Variants in STK38L observed in about 807,000 individuals in gnomAD.
STK38L encodes serine/threonine kinase 38 like, also known as serine/threonine-protein kinase 38-like.
STK38L carries 28 observed loss-of-function variants against 59.7 expected under a neutral mutation model. That is an observed-to-expected ratio of 0.47 (90% CI 0.35 to 0.64). The LOEUF (loss-of-function observed/expected upper bound fraction) is 0.64. STK38L is among the 30% of genes least tolerant of loss of function. The probability of loss-of-function intolerance (pLI) is 0.01; values close to 1 mark genes in which losing one functional copy is unlikely to be tolerated. For synonymous variants in STK38L, 162 were observed against 176.8 expected (o/e 0.92, Z 0.66); for missense variants, 314 against 555.8 (o/e 0.56, Z 4.37).
In STK38L at chr12:27,314,557, C is replaced by G; in HGVS notation, c.571C>G (p.Gln191Glu). The G allele has an allele frequency of 2.5e-6, 4 of 1,604,540 alleles. No homozygotes were observed. Among genetic ancestry groups the G allele is most frequent in the South Asian group, 1.1e-5 (1 of 89,738 alleles). ...KKDTLTEEETQFYISETVLAI... is the reference protein window; with the variant it reads ...KKDTLTEEETEFYISETVLAI... ...AGACACCTTGACAGAAGAGGAAACA[C>G]AGTTCTACATTTCAGAGACTGTTCT... Residue 191 changes from glutamine to glutamate, a missense_variant, in exon 7 of 14, where the codon CAG becomes GAG. Physicochemically the swap from Gln to Glu is conservative, Grantham distance 29 (BLOSUM62 2). Around this residue, in one of 3 missense-constraint regions of STK38L, gnomAD observed 192 missense variants for 316.9 expected, o/e 0.61. Coordinates refer to ENST00000389032, the MANE Select transcript of STK38L (RefSeq NM_015000.4).
intron 1 of STK38L, 28 bp downstream of exon 1, chr12:27,244,360 G>C (rs1202083587): frequency 1.3e-5 from 2 of 152,394 alleles, no homozygotes; most frequent in Non-Finnish European, 1.5e-5. Context: ...GCGCTCGGCT[G>C]AGGGCCCGAG....
intron 1 of STK38L, among the ~76,000 whole-genome samples, chr12:27,281,111 A>C (rs1204237836): frequency 1.3e-3 from 2 of 1,514 alleles, no homozygotes; most frequent in East Asian, 0.01. Context: ...TTTGAGACGG[A>C]GTCTCGCTCT....
At chr12:27,287,158 G>C (rs373702293) in intron 1 of STK38L, among the ~76,000 whole-genome samples, 1 of 148,208 alleles carries the variant, frequency 6.7e-6, no homozygotes, top group Non-Finnish European at 1.5e-5. Context: ...GGAGTGCAAT[G>C]GTGCGTGTGA....
At chr12:27,273,625 T>G (rs906314634) in intron 1 of STK38L, among the ~76,000 whole-genome samples, 2 of 152,214 alleles carry the variant, frequency 1.3e-5, no homozygotes, top group African/African-American at 4.8e-5. Context: ...AGTGTTAGCA[T>G]TTAATAAAGT....
At chr12:27,250,819 C>T (rs1266031347) in intron 1 of STK38L, among the ~76,000 whole-genome samples, 1 of 151,676 alleles carries the variant, frequency 6.6e-6, no homozygotes, top group Non-Finnish European at 1.5e-5. Context: ...GCTAACATGG[C>T]CAAACCTCGT....
chr12:27,318,892 G>T (rs1458604664), intron 11 of STK38L, among the ~76,000 whole-genome samples: 2 of 152,214 alleles, frequency 1.3e-5, no homozygotes, highest in Non-Finnish European at 2.9e-5. Flanking sequence ...TTGGGAGGCT[G>T]AGGCAGGAGA....
intron 3 of STK38L, among the ~76,000 whole-genome samples, chr12:27,307,710 T>G (rs1944351197): frequency 6.6e-6 from 1 of 152,240 alleles, no homozygotes; most frequent in Non-Finnish European, 1.5e-5. Flanking sequence ...ACAGTATTGC[T>G]TATTAATGGA....
chr12:27,264,586 G>GA (rs1468709180), intron 1 of STK38L, among the ~76,000 whole-genome samples: 11 of 151,934 alleles, frequency 7.2e-5, no homozygotes, highest in African/African-American at 2.7e-4. Context: ...AAAATTGTCA[G>GA]AAAAAACAAT....
At chr12:27,293,444 G>C (rs902165059) in intron 1 of STK38L, among the ~76,000 whole-genome samples, 1 of 152,170 alleles carries the variant, frequency 6.6e-6, no homozygotes, top group Admixed American at 6.5e-5. Context: ...TGCCATGCTC[G>C]CCAAGCAATC....
Position 27,322,365 on chromosome 12 carries a change from C to T in STK38L, c.1305C>T (p.Asp435=). 6.2e-7 allele frequency: 1 copy of T among 1,614,002 alleles called. No homozygotes were observed. The highest frequency in any genetic ancestry group is 1.1e-5 in the South Asian group (1 of 91,078). The change falls in exon 14 of 14, where the codon GAC becomes GAT. Residue 435 remains aspartate (D), a synonymous_variant. Transcript: ENST00000389032. ...NTTEPDYKSK[D]WVFLNYTYKR... is the part of the protein sequence containing the mutation. ...CAGAACCGGACTACAAATCCAAAGA[C>T]TGGGTTTTTCTCAATTATACCTATA...
intron 1 of STK38L, chr12:27,297,289 TTAAAC>T (rs1281302856): frequency 6.5e-6 from 1 of 154,540 alleles, no homozygotes; most frequent in African/African-American, 2.4e-5. Context: ...CTTCTTACTA[TTAAAC>T]TAAACTGCAT....
Position 27,324,721 on chromosome 12 carries a change from C to G in STK38L, c.*2266C>G, listed in dbSNP as rs754037701. 10 of 152,050 alleles carry G rather than the reference C, an allele frequency of 6.6e-5. No individual in the cohort carries two copies. The highest frequency in any genetic ancestry group is 1.2e-4 in the Non-Finnish European group (8 of 67,938). 9.4% of individuals were successfully genotyped at this position (152,050 alleles called of 1,614,324 possible). ...ACAATCTTTGGGGTTTTCTCCTCAT[C>G]AAAAGCATTTCTTAAGTGCCTATCT... On this transcript the variant is annotated 3_prime_UTR_variant, in exon 14 of 14. Coordinates refer to ENST00000389032, the MANE Select transcript of STK38L (RefSeq NM_015000.4).
intron 1 of STK38L, among the ~76,000 whole-genome samples, chr12:27,272,785 C>G (rs1256756494): frequency 6.6e-6 from 1 of 152,204 alleles, no homozygotes; most frequent in African/African-American, 2.4e-5. Flanking sequence ...AGAAAAGTTG[C>G]ACCTGCCTGC....
chr12:27,246,560 A>G (rs1565518671), intron 1 of STK38L, among the ~76,000 whole-genome samples: 1 of 152,192 alleles, frequency 6.6e-6, no homozygotes. Context: ...CTGTATTTTT[A>G]TATTAAAAGC....
chr12:27,287,534 A>C (rs988750824), intron 1 of STK38L, among the ~76,000 whole-genome samples: 1 of 152,196 alleles, frequency 6.6e-6, no homozygotes, highest in Non-Finnish European at 1.5e-5. Flanking sequence ...AATGTAGCAC[A>C]AGTTTTCATT....
intron 1 of STK38L, among the ~76,000 whole-genome samples, chr12:27,267,868 A>G (rs569085642): frequency 6.6e-6 from 1 of 152,084 alleles, no homozygotes; most frequent in East Asian, 1.9e-4. Context: ...TGGGCCATTT[A>G]TGTTTTCTCT....
intron 1 of STK38L, among the ~76,000 whole-genome samples, chr12:27,292,214 C>T (rs992298613): frequency 6.6e-6 from 1 of 152,216 alleles, no homozygotes. Context: ...TAAAGGAATA[C>T]ATTTGCAATA....
chr12:27,247,528 G>C (rs1181635605), intron 1 of STK38L, among the ~76,000 whole-genome samples: 1 of 152,016 alleles, frequency 6.6e-6, no homozygotes, highest in Admixed American at 6.6e-5. Context: ...AGTTATTCTT[G>C]GTGCAGATTA....
rs545522612 is a variant in STK38L at position 27,247,540 on chromosome 12, A to G, written c.-12+3208A>G. On this transcript the variant is annotated intron_variant, in intron 1 of 13. Transcript: ENST00000389032. ...GGAAGTTATTCTTGGTGCAGATTAA[A>G]TATAACTATTGAGTGGGACTTTTTA... Among the ~76,000 whole-genome samples the G allele has an allele frequency of 2.0e-5, 3 of 152,364 alleles. No individual in the cohort carries two copies. The South Asian group carries it at 6.2e-4, about 32-fold the overall frequency.
Sources: allele counts gnomAD v4.1 joint callset (sites outside exome capture counted in the v4.1 genomes callset), GRCh38; gene constraint gnomAD v4.1.1; regional missense constraint gnomAD v4.1.1; transcripts MANE v1.5; gene names NCBI Gene and HGNC (gene_info 2026-07-23, HGNC 2026-07-21).